The following MGAT4C variants were observed in gnomAD, a reference collection of about 807,000 sequenced individuals.
The protein encoded by MGAT4C is alpha-1,3-mannosyl-glycoprotein 4-beta-N-acetylglucosaminyltransferase C.
MGAT4C carries 19 observed loss-of-function variants against 40.1 expected under a neutral mutation model. The ratio of observed to expected loss-of-function variants is 0.47; its 90% CI spans 0.33 to 0.70. MGAT4C has a LOEUF of 0.70. MGAT4C is among the 30% of genes least tolerant of loss of function. MGAT4C has a pLI of 0.02. For synonymous variants in MGAT4C, 181 were observed against 187.1 expected (o/e 0.97, Z 0.27); for missense variants, 491 against 563.2 (o/e 0.87, Z 1.30).
intron 1 of MGAT4C, among the ~76,000 whole-genome samples, chr12:86,239,276 T>A (rs1168435389): frequency 1.3e-5 from 2 of 152,084 alleles, no homozygotes; most frequent in Non-Finnish European, 2.9e-5. Context: ...ATGAAAATTT[T>A]TATTTAGGAA....
chr12:86,377,070 T>C (rs577156984), intron 3 of MGAT4C, among the ~76,000 whole-genome samples: 9 of 151,440 alleles, frequency 5.9e-5, no homozygotes, highest in African/African-American at 2.2e-4. Flanking sequence ...CTTTTTTTTT[T>C]TTTTTTTGAC....
chr12:86,736,710 A>G (rs1280430977), intron 1 of MGAT4C, among the ~76,000 whole-genome samples: 1 of 151,790 alleles, frequency 6.6e-6, no homozygotes, highest in Non-Finnish European at 1.5e-5. Flanking sequence ...TTGCCTCAAA[A>G]TTATCCACTG....
At chr12:86,242,736 CT>C (rs1951842743) in intron 1 of MGAT4C, among the ~76,000 whole-genome samples, 2 of 152,038 alleles carry the variant, frequency 1.3e-5, no homozygotes, top group African/African-American at 2.4e-5. Context: ...CCCATCCAAC[CT>C]TACCTTTATA....
In MGAT4C at chr12:85,970,763, T is replaced by C. The variant is rs1057289444; in HGVS notation, c.*8526A>G. The C allele has an allele frequency of 8.6e-5, 13 of 151,380 alleles. No individual in the cohort carries two copies. Among genetic ancestry groups the C allele is most frequent in the Admixed American group, 8.6e-4 (13 of 15,180 alleles). The allele number at this position is 151,380 out of a possible 1,614,324, so 9.4% of individuals were successfully genotyped here. ...AATAATTTAAATAAAAATAATTGTTTTTATTAAAGTTTATACAGCAAGATA... is the reference window on the plus strand; with the variant it reads ...AATAATTTAAATAAAAATAATTGTTCTTATTAAAGTTTATACAGCAAGATA... On this transcript the variant is annotated 3_prime_UTR_variant, in exon 5 of 5. Transcript: ENST00000611864.
chr12:86,380,194 T>G (rs1955902730), intron 3 of MGAT4C, among the ~76,000 whole-genome samples: 1 of 152,112 alleles, frequency 6.6e-6, no homozygotes, highest in Admixed American at 6.5e-5. Flanking sequence ...CAATACACAT[T>G]CTTTCTACAG....
intron 1 of MGAT4C, among the ~76,000 whole-genome samples, chr12:86,172,733 ATAT>A (rs750007695): frequency 6.6e-6 from 1 of 152,082 alleles, no homozygotes; most frequent in Non-Finnish European, 1.5e-5. Context: ...CACTTTACAG[ATAT>A]TATGTTTTTT....
At chr12:86,231,360 A>C (rs1951316622) in intron 1 of MGAT4C, among the ~76,000 whole-genome samples, 1 of 152,002 alleles carries the variant, frequency 6.6e-6, no homozygotes, top group Non-Finnish European at 1.5e-5. Flanking sequence ...GTAGAGCAAA[A>C]CCCCTACTTA....
intron 1 of MGAT4C, among the ~76,000 whole-genome samples, chr12:86,208,122 G>C (rs879418757): frequency 6.6e-5 from 10 of 152,230 alleles, no homozygotes; most frequent in Admixed American, 1.3e-4. Context: ...AATCCAGATG[G>C]CCTAATCACA....
chr12:86,603,498 T>TACTATATATAGTCTATAGTCTATAG lies in MGAT4C; in HGVS notation c.-229+123686_-229+123710dup, dbSNP rs1243082774. Among the ~76,000 whole-genome samples, 9 of 80,746 alleles carry TACTATATATAGTCTATAGTCTATAG rather than the reference T, an allele frequency of 1.1e-4. 1 individual carries two copies. Among genetic ancestry groups the TACTATATATAGTCTATAGTCTATAG allele is most frequent in the African/African-American group, 3.8e-4 (8 of 21,038 alleles). The allele number at this position is 80,746 out of a possible 152,430, so 53.0% of individuals were successfully genotyped here. A position where few individuals can be genotyped will look rare whatever the true frequency, so the allele number is the denominator to read the frequency against. On this transcript the variant is annotated intron_variant, in intron 2 of 7. Coordinates refer to the MGAT4C transcript ENST00000548651. The stretch of plus-strand genomic sequence containing the variant: ...TATAGTCTATAGACTATATAATATA[T>TACTATATATAGTCTATAGTCTATAG]ACTATATATAGTCTATAGTCTATAG...
chr12:86,410,056 G>T (rs1053848462), intron 3 of MGAT4C, among the ~76,000 whole-genome samples: 1 of 152,052 alleles, frequency 6.6e-6, no homozygotes, highest in Non-Finnish European at 1.5e-5. Context: ...ATGCTTTAAA[G>T]GGCAATAAAG....
chr12:86,104,644 A>G (rs1875806608), intron 1 of MGAT4C, among the ~76,000 whole-genome samples: 1 of 152,184 alleles, frequency 6.6e-6, no homozygotes, highest in South Asian at 2.1e-4. Context: ...AATATTAGAT[A>G]TTCATATTTA....
At chr12:86,266,613 C>T (rs1290243291) in intron 4 of MGAT4C, among the ~76,000 whole-genome samples, 2 of 151,918 alleles carry the variant, frequency 1.3e-5, no homozygotes, top group Non-Finnish European at 2.9e-5. Context: ...GTGATTGTGT[C>T]CTTGTCTGGT....
At chr12:86,038,620 T>C (rs1019852717) in intron 2 of MGAT4C, among the ~76,000 whole-genome samples, 2 of 149,870 alleles carry the variant, frequency 1.3e-5, no homozygotes, top group South Asian at 4.2e-4. Context: ...ATTTTGAGCT[T>C]ATATGTGTCT....
At chr12:86,457,576 G>C (rs1464800655) in intron 2 of MGAT4C, among the ~76,000 whole-genome samples, 1 of 152,022 alleles carries the variant, frequency 6.6e-6, no homozygotes, top group Non-Finnish European at 1.5e-5. Context: ...ATATGCTGGA[G>C]ACTTTTTCAT....
intron 2 of MGAT4C, among the ~76,000 whole-genome samples, chr12:86,593,758 T>A (rs973501018): frequency 6.6e-6 from 1 of 152,190 alleles, no homozygotes; most frequent in Non-Finnish European, 1.5e-5. Context: ...GACTGAGATT[T>A]TTTTCGGCTG....
At chr12:86,824,283 A>C (rs932905221) in intron 1 of MGAT4C, among the ~76,000 whole-genome samples, 2 of 151,506 alleles carry the variant, frequency 1.3e-5, no homozygotes, top group African/African-American at 4.8e-5. Flanking sequence ...TGCCAAAAGG[A>C]AGCTGTAAAG....
chr12:86,668,658 T>C (rs1446813129), intron 2 of MGAT4C, among the ~76,000 whole-genome samples: 2 of 152,174 alleles, frequency 1.3e-5, no homozygotes, highest in Non-Finnish European at 2.9e-5. Flanking sequence ...GTGCCTGCTC[T>C]GGAGCAGGAT....
At chr12:86,457,191 A>G (rs1180452189) in intron 2 of MGAT4C, among the ~76,000 whole-genome samples, 1 of 152,002 alleles carries the variant, frequency 6.6e-6, no homozygotes, top group Non-Finnish European at 1.5e-5. Flanking sequence ...CATCCTTTTT[A>G]TTATAATAGA....
At chr12:86,537,678 C>T (rs903149198) in intron 2 of MGAT4C, among the ~76,000 whole-genome samples, 4 of 152,112 alleles carry the variant, frequency 2.6e-5, no homozygotes, top group African/African-American at 4.8e-5. Context: ...GTTGAGTGAA[C>T]GCCTCTAATT....
Sources: gnomAD v4.1 joint callset for allele counts (sites outside exome capture counted in the v4.1 genomes callset) on GRCh38, gnomAD v4.1.1 for gene constraint, MANE v1.5 for transcripts, NCBI Gene and HGNC (gene_info 2026-07-23, HGNC 2026-07-21) for gene names.